The following FCHO2 variants were observed in gnomAD, a reference collection of about 807,000 sequenced individuals.
The protein encoded by FCHO2 is FCH and mu domain containing endocytic adaptor 2, also known as F-BAR domain only protein 2.
A neutral mutation model predicts 114.1 loss-of-function variants in FCHO2; 43 were observed. The ratio of observed to expected loss-of-function variants is 0.38; its 90% CI spans 0.30 to 0.49. The LOEUF (loss-of-function observed/expected upper bound fraction) is 0.49. Ranked by LOEUF, FCHO2 falls within the 20% of genes least tolerant of loss-of-function variation. The pLI is 0.97. For missense variants in FCHO2, 807 were observed against 950.4 expected, an observed-to-expected ratio of 0.85 and a Z score of 1.98; for synonymous variants, 293 against 315.2, an observed-to-expected ratio of 0.93 and a Z score of 0.75.
Position 73,001,943 on chromosome 5 carries a change from T to A in FCHO2, c.496-4502T>A, listed in dbSNP as rs115556325. Among the ~76,000 whole-genome samples, 1,034 of 151,506 alleles carry A rather than the reference T, an allele frequency of 6.8e-3. 7 individuals carry two copies. Among genetic ancestry groups the A allele is most frequent in the African/African-American group, 0.024 (988 of 41,374 alleles). On this transcript the variant is annotated intron_variant, in intron 5 of 25. Transcript: ENST00000430046. ...AAAGAGCTGATTGAAAAAATATAAGTCAGAACTTAAAAAGAGTACCTTCTT... is the reference window on the plus strand; with the variant it reads ...AAAGAGCTGATTGAAAAAATATAAGACAGAACTTAAAAAGAGTACCTTCTT...
chr5:73,029,953 A>G (rs1756140810), intron 8 of FCHO2, among the ~76,000 whole-genome samples: 1 of 152,184 alleles, frequency 6.6e-6, no homozygotes, highest in African/African-American at 2.4e-5. Flanking sequence ...AAACCGTATC[A>G]GGTACATACA....
chr5:73,027,515 A>T (rs962080520), intron 8 of FCHO2, among the ~76,000 whole-genome samples: 2 of 151,924 alleles, frequency 1.3e-5, no homozygotes, highest in African/African-American at 4.8e-5. Context: ...ATTTTTAAAA[A>T]TTTTTCTATT....
rs537616672 is a variant in FCHO2, at chr5:72,962,477, A to G, written c.34-6021A>G. 2.6e-5 allele frequency among the ~76,000 whole-genome samples: 4 copies of G among 152,288 alleles called. No homozygotes were observed. The South Asian group carries it at 8.3e-4, about 32-fold the overall frequency. On this transcript the variant is annotated intron_variant, in intron 1 of 25. Coordinates refer to ENST00000430046, the MANE Select transcript of FCHO2 (RefSeq NM_138782.3). ...CTGAGATTATCCATCCTGATGTCAT[A>G]ATTCTAGAATAGTTAACGGAAGCAC...
At chr5:72,976,139 G>A (rs1328955504) in intron 2 of FCHO2, among the ~76,000 whole-genome samples, 5 of 152,190 alleles carry the variant, frequency 3.3e-5, no homozygotes, top group Non-Finnish European at 7.3e-5. Context: ...AGCATTTGGA[G>A]TGGTCAGTAT....
chr5:72,976,932 C>T (rs1752922428), intron 2 of FCHO2, among the ~76,000 whole-genome samples: 1 of 152,130 alleles, frequency 6.6e-6, no homozygotes, highest in African/African-American at 2.4e-5. Flanking sequence ...CAGCTTCAAC[C>T]ATATCCCTGC....
intron 1 of FCHO2, among the ~76,000 whole-genome samples, chr5:72,958,554 A>G (rs1421962037): frequency 6.6e-6 from 1 of 152,224 alleles, no homozygotes; most frequent in South Asian, 2.1e-4. Context: ...GACAGCCAGT[A>G]ACACACAGTT....
At chr5:73,061,344 C>T (rs761271841) in intron 17 of FCHO2, among the ~76,000 whole-genome samples, 1 of 152,008 alleles carries the variant, frequency 6.6e-6, no homozygotes, top group African/African-American at 2.4e-5. Context: ...TGAACTTATG[C>T]TCTTCTTCCG....
At chr5:73,014,695 C>T (rs529768787) in intron 6 of FCHO2, among the ~76,000 whole-genome samples, 2 of 152,212 alleles carry the variant, frequency 1.3e-5, no homozygotes, top group South Asian at 4.1e-4. Flanking sequence ...GATTGTTTTT[C>T]AGTTTTTAAA....
intron 5 of FCHO2, 108 bp from the exon 6 acceptor site, chr5:73,006,337 A>G (rs538884320): frequency 1.6e-6 from 1 of 617,260 alleles, no homozygotes; most frequent in South Asian, 4.7e-5. Context: ...GTTATATGTC[A>G]TATTGAACTC....
Position 73,048,391 on chromosome 5 carries a change from A to G in FCHO2, c.940-2958A>G, listed in dbSNP as rs1757167604. Among the ~76,000 whole-genome samples, 3 of 152,118 alleles carry G rather than the reference A, an allele frequency of 2.0e-5. No homozygotes were observed. In the South Asian group the frequency reaches 6.2e-4, roughly 32 times the overall value. On this transcript the variant is annotated intron_variant, in intron 11 of 25. Coordinates refer to ENST00000430046, the MANE Select transcript of FCHO2 (RefSeq NM_138782.3). ...CTGCAGGAGGTGGAGGTTGCAGTAA[A>G]TTGAGATTGGGCCACTGCACTCCAG...
chr5:73,070,240 T>C (rs1446592023), intron 19 of FCHO2, among the ~76,000 whole-genome samples: 2 of 152,072 alleles, frequency 1.3e-5, no homozygotes, highest in Non-Finnish European at 1.5e-5. Context: ...ATAGGAGAAA[T>C]GCAACTAGTG....
At position 73,089,263 on chromosome 5, in the gene FCHO2, A is replaced by G. The variant is rs913738504; in HGVS notation, c.*1173A>G. 1.3e-5 allele frequency: 2 copies of G among 152,582 alleles called. No homozygotes were observed. Among genetic ancestry groups the G allele is most frequent in the African/African-American group, 2.4e-5 (1 of 41,464 alleles). 9.5% of individuals were successfully genotyped at this position (152,582 alleles called of 1,614,324 possible). ...AATTTAGCATTTTCCTTGATACTTT[A>G]TCATTGAAAATTTATGCATTTATTT... On this transcript the variant is annotated 3_prime_UTR_variant, in exon 26 of 26. Transcript: ENST00000430046.
intron 6 of FCHO2, among the ~76,000 whole-genome samples, chr5:73,015,122 A>G (rs371349397): frequency 1.3e-5 from 2 of 148,746 alleles, no homozygotes; most frequent in East Asian, 2.0e-4. Flanking sequence ...AAAAGTTTGT[A>G]TTTACCTAAG....
At chr5:73,017,949 A>G (rs1377022134) in intron 8 of FCHO2, among the ~76,000 whole-genome samples, 1 of 152,140 alleles carries the variant, frequency 6.6e-6, no homozygotes, top group African/African-American at 2.4e-5. Context: ...CAAATGTAAT[A>G]AGTACCCCAT....
At chr5:73,041,396 G>A in intron 11 of FCHO2, 81 bp downstream of exon 11, 2 of 811,730 alleles carry the variant, frequency 2.5e-6, no homozygotes, top group South Asian at 3.5e-5. Context: ...GAGTTGAGTT[G>A]TTACCAGTCT....
At chr5:73,046,140 C>T (rs1232874858) in intron 11 of FCHO2, among the ~76,000 whole-genome samples, 1 of 152,194 alleles carries the variant, frequency 6.6e-6, no homozygotes, top group East Asian at 1.9e-4. Context: ...TCCTAGCTTA[C>T]CACAGCCTTG....
At chr5:73,008,986 C>T (rs1754858099) in intron 6 of FCHO2, among the ~76,000 whole-genome samples, 3 of 152,164 alleles carry the variant, frequency 2.0e-5, no homozygotes, top group Admixed American at 1.3e-4. Context: ...GTACACAAAG[C>T]CATGATGACA....
At chr5:73,050,269 C>T (rs1757278612) in intron 11 of FCHO2, among the ~76,000 whole-genome samples, 1 of 151,524 alleles carries the variant, frequency 6.6e-6, no homozygotes, top group South Asian at 2.1e-4. Context: ...CCCCTTCCCT[C>T]CCTCCCTCTC....
intron 2 of FCHO2, among the ~76,000 whole-genome samples, chr5:72,973,488 G>T (rs1162044204): frequency 5.9e-5 from 9 of 152,202 alleles, no homozygotes; most frequent in South Asian, 2.1e-4. Context: ...GTTTATTTGC[G>T]TAGAGGTGTT....
Sources: gnomAD v4.1 joint callset for allele counts (sites outside exome capture counted in the v4.1 genomes callset) on GRCh38, gnomAD v4.1.1 for gene constraint, MANE v1.5 for transcripts, NCBI Gene and HGNC (gene_info 2026-07-23, HGNC 2026-07-21) for gene names.